Variants in ARHGAP21 observed in about 807,000 individuals in gnomAD.
ARHGAP21 encodes the protein rho GTPase-activating protein 21.
Under a neutral mutation model 164.6 loss-of-function variants are expected in ARHGAP21, and 38 were observed. The ratio of observed to expected loss-of-function variants is 0.23; its 90% CI spans 0.18 to 0.30. The LOEUF (loss-of-function observed/expected upper bound fraction) is 0.30, where lower values mean the gene tolerates loss of function less well. Among genes scored for constraint, ARHGAP21 ranks in the 10% least tolerant of loss-of-function variants. The pLI is 1.00. For missense variants in ARHGAP21, 1,822 were observed against 2,370.7 expected, an observed-to-expected ratio of 0.77 and a Z score of 4.81; for synonymous variants, 766 against 857.9, an observed-to-expected ratio of 0.89 and a Z score of 1.87.
intron 7 of ARHGAP21, among the ~76,000 whole-genome samples, chr10:24,628,751 A>C: frequency 1.1e-5 from 1 of 90,408 alleles, no homozygotes; most frequent in Admixed American, 1.1e-4. Flanking sequence ...CTTGAATGAA[A>C]TATGTGTGTG....
At position 24,585,339 on chromosome 10, in the gene ARHGAP21, T is replaced by C. The variant is rs2076056777; in HGVS notation, c.4950A>G (p.Ser1650=). The change falls in exon 26 of 26, where the codon TCA becomes TCG. Residue 1650 remains serine, a synonymous_variant. Transcript: ENST00000396432. ...EFPVFPTALT[S]ERLFRGKLQE... ...GCAGTTTTCCTCGGAAAAGCCTCTC[T>C]GAAGTCAAGGCTGTGGGGAACACGG... 1.2e-6 allele frequency: 2 copies of C among 1,613,460 alleles called. No homozygotes were observed. Among genetic ancestry groups the C allele is most frequent in the Admixed American group, 3.3e-5 (2 of 60,020 alleles).
intron 4 of ARHGAP21, among the ~76,000 whole-genome samples, chr10:24,635,767 G>A (rs941864517): frequency 6.6e-6 from 1 of 152,196 alleles, no homozygotes; most frequent in East Asian, 1.9e-4. Flanking sequence ...GGCTGGTCTC[G>A]AACTCCTGAC....
chr10:24,618,642 G>A (rs1385396549), intron 9 of ARHGAP21, among the ~76,000 whole-genome samples: 1 of 152,170 alleles, frequency 6.6e-6, no homozygotes, highest in Non-Finnish European at 1.5e-5. Context: ...ACACCTGACA[G>A]CAAGGAGGCT....
chr10:24,613,730 G>C (rs2077362049), intron 9 of ARHGAP21, among the ~76,000 whole-genome samples: 1 of 152,200 alleles, frequency 6.6e-6, no homozygotes, highest in South Asian at 2.1e-4. Context: ...TATTTGAAAG[G>C]GAGGTGACAA....
At chr10:24,602,533 G>C (rs999688634) in intron 12 of ARHGAP21, among the ~76,000 whole-genome samples, 1 of 152,192 alleles carries the variant, frequency 6.6e-6, no homozygotes, top group Non-Finnish European at 1.5e-5. Flanking sequence ...TCAGAGGGAA[G>C]AGAGTTTGAT....
At chr10:24,629,812 T>C in intron 7 of ARHGAP21, 184 bp downstream of exon 7, 2 of 659,170 alleles carry the variant, frequency 3.0e-6, no homozygotes, top group Non-Finnish European at 5.7e-6. Context: ...TGTCACTTAA[T>C]TGCAAAAACT....
rs138717281 is a variant in ARHGAP21 at position 24,605,519 on chromosome 10, C to T, written c.2685-1171G>A. On this transcript the variant is annotated intron_variant, in intron 11 of 25. Transcript: ENST00000396432. ...CCCTGTATCTTTAGGAAAATTCCTGCTACCCTGGAAGCAAGCCCTGCTAGC... is the reference window on the plus strand; with the variant it reads ...CCCTGTATCTTTAGGAAAATTCCTGTTACCCTGGAAGCAAGCCCTGCTAGC... Among the ~76,000 whole-genome samples the T allele has an allele frequency of 8.7e-3, 1,321 of 151,664 alleles. 47 individuals carry two copies. The highest frequency in any genetic ancestry group is 0.065 in the Admixed American group (994 of 15,272).
intron 25 of ARHGAP21, 128 bp downstream of exon 25, chr10:24,589,143 T>C: frequency 1.2e-6 from 1 of 840,274 alleles, no homozygotes; most frequent in South Asian, 1.5e-5. Context: ...TAGGAATTAA[T>C]TTTTTGATTA....
intron 24 of ARHGAP21, chr10:24,590,519 G>A (rs1044941794): frequency 5.7e-5 from 87 of 1,529,164 alleles, no homozygotes; most frequent in Non-Finnish European, 7.1e-5. Flanking sequence ...GTCAGTAAGA[G>A]CTGAAAAAAC....
intron 3 of ARHGAP21, among the ~76,000 whole-genome samples, chr10:24,668,158 G>A (rs1285599854): frequency 2.0e-5 from 3 of 152,190 alleles, no homozygotes; most frequent in African/African-American, 2.4e-5. Flanking sequence ...CTAACAGGAG[G>A]CAGAAATGGA....
At position 24,619,849 on chromosome 10, in the gene ARHGAP21, G is replaced by C; in HGVS notation, c.2046C>G (p.Ser682=). The change falls in exon 9 of 26, where the codon TCC becomes TCG. Residue 682 remains serine, a synonymous_variant. Coordinates refer to ENST00000396432, the MANE Select transcript of ARHGAP21 (RefSeq NM_020824.4). ...TGGCAGAGGCTCCAGATAAAGAGGG[G>C]GATTTCCCAGTCTCCACTTGCTGAT... ...APDQQVETGK[S]PSLSGASAKP... 6.2e-7 allele frequency: 1 copy of C among 1,614,100 alleles called. No homozygotes were observed. Among genetic ancestry groups the C allele is most frequent in the South Asian group, 1.1e-5 (1 of 91,074 alleles).
At chr10:24,664,689 A>G (rs926072431) in intron 4 of ARHGAP21, among the ~76,000 whole-genome samples, 1 of 150,646 alleles carries the variant, frequency 6.6e-6, no homozygotes, top group African/African-American at 2.5e-5. Context: ...TTATCTTGCT[A>G]TAAATAAGGT....
intron 2 of ARHGAP21, among the ~76,000 whole-genome samples, chr10:24,715,765 T>C (rs1845312736): frequency 6.6e-6 from 1 of 152,182 alleles, no homozygotes; most frequent in Non-Finnish European, 1.5e-5. Context: ...TCCAGCACTT[T>C]GGGAGGATGA....
At chr10:24,699,757 T>C (rs1306230892) in intron 2 of ARHGAP21, among the ~76,000 whole-genome samples, 1 of 152,196 alleles carries the variant, frequency 6.6e-6, no homozygotes, top group African/African-American at 2.4e-5. Flanking sequence ...TTCTTAGCTA[T>C]GTGGCCCCGA....
chr10:24,665,288 C>A (rs1840079285), intron 4 of ARHGAP21, among the ~76,000 whole-genome samples: 1 of 151,442 alleles, frequency 6.6e-6, no homozygotes, highest in East Asian at 1.9e-4. Context: ...CTTACACCTT[C>A]AGATTACTTT....
chr10:24,661,553 G>A (rs544620766), intron 4 of ARHGAP21, among the ~76,000 whole-genome samples: 2 of 152,274 alleles, frequency 1.3e-5, no homozygotes, highest in South Asian at 4.1e-4. Context: ...CATTTTAACA[G>A]CATCTCTTAG....
At chr10:24,631,513 A>G (rs1453404142) in intron 6 of ARHGAP21, among the ~76,000 whole-genome samples, 1 of 152,212 alleles carries the variant, frequency 6.6e-6, no homozygotes, top group African/African-American at 2.4e-5. Context: ...CAACAACAAA[A>G]AACAAAATAA....
intron 2 of ARHGAP21, among the ~76,000 whole-genome samples, chr10:24,671,989 CA>C (rs1050041593): frequency 6.7e-6 from 1 of 149,228 alleles, no homozygotes; most frequent in Admixed American, 6.8e-5. Context: ...CTCAGCCTCC[CA>C]AAGTGGTGGG....
At chr10:24,717,945 G>A (rs1256515397) in intron 2 of ARHGAP21, among the ~76,000 whole-genome samples, 1 of 152,130 alleles carries the variant, frequency 6.6e-6, no homozygotes, top group East Asian at 1.9e-4. Flanking sequence ...TCAGGCTGGT[G>A]TACAACTCCT....
Sources: allele counts gnomAD v4.1 joint callset (sites outside exome capture counted in the v4.1 genomes callset), GRCh38; gene constraint gnomAD v4.1.1; transcripts MANE v1.5; gene names NCBI Gene and HGNC (gene_info 2026-07-23, HGNC 2026-07-21).